The following TSHZ2 variants were observed in gnomAD, a reference collection of about 807,000 sequenced individuals.
The protein encoded by TSHZ2 is teashirt zinc finger homeobox 2, also known as teashirt homolog 2.
A neutral mutation model predicts 74.4 loss-of-function variants in TSHZ2; 21 were observed. That is an observed-to-expected ratio of 0.28 (90% CI 0.20 to 0.41). TSHZ2 has a LOEUF of 0.41. TSHZ2 is among the 10% of genes least tolerant of loss of function. The pLI, the probability that TSHZ2 is intolerant of heterozygous loss-of-function variation, is 1.00. For missense variants in TSHZ2, 1,244 were observed against 1,293.5 expected (o/e 0.96, Z 0.59); for synonymous variants, 540 against 515.3 (o/e 1.05, Z -0.65).
chr20:53,356,201 A>G (rs1447979349), intron 2 of TSHZ2, among the ~76,000 whole-genome samples: 2 of 152,216 alleles, frequency 1.3e-5, no homozygotes, highest in Non-Finnish European at 2.9e-5. Flanking sequence ...TTGACTTACT[A>G]TTCTATGAAT....
intron 1 of TSHZ2, among the ~76,000 whole-genome samples, chr20:53,045,222 G>A (rs1036004672): frequency 1.3e-5 from 2 of 152,188 alleles, no homozygotes; most frequent in South Asian, 2.1e-4. Context: ...GAAGGGAAGA[G>A]TACAGCGGGT....
At chr20:53,383,809 C>T (rs1030536496) in intron 2 of TSHZ2, among the ~76,000 whole-genome samples, 5 of 152,166 alleles carry the variant, frequency 3.3e-5, no homozygotes, top group South Asian at 2.1e-4. Context: ...AAAAAAAGCC[C>T]GGTTTCCATT....
intron 2 of TSHZ2, among the ~76,000 whole-genome samples, chr20:53,269,148 C>T (rs769894181): frequency 3.3e-5 from 5 of 151,772 alleles, no homozygotes; most frequent in South Asian, 2.1e-4. Flanking sequence ...GGGCTGTCAG[C>T]GTGGATCTGG....
At chr20:53,294,029 TAAATA>T (rs1012023793) in intron 2 of TSHZ2, among the ~76,000 whole-genome samples, 7 of 151,932 alleles carry the variant, frequency 4.6e-5, no homozygotes, top group East Asian at 1.9e-4. Context: ...AAAAAATAGA[TAAATA>T]AAATAAAATA....
chr20:53,251,888 A>G lies in TSHZ2; in HGVS notation c.41-1611A>G, dbSNP rs59322747. Among the ~76,000 whole-genome samples the G allele has an allele frequency of 7.9e-3, 1,196 of 152,300 alleles. 21 individuals carry two copies. Among genetic ancestry groups the G allele is most frequent in the African/African-American group, 0.028 (1,144 of 41,552 alleles). On this transcript the variant is annotated intron_variant, in intron 1 of 2. Coordinates refer to ENST00000371497, the MANE Select transcript of TSHZ2 (RefSeq NM_173485.6). Reference sequence around the variant, plus strand: ...GGTTCTTCTTCATTAGGTTGGCAATACAAAGATAGCAGCATCTCCTGTATT... The same window carrying G: ...GGTTCTTCTTCATTAGGTTGGCAATGCAAAGATAGCAGCATCTCCTGTATT...
chr20:53,463,355 C>T (rs931470079), intron 2 of TSHZ2, among the ~76,000 whole-genome samples: 6 of 132,484 alleles, frequency 4.5e-5, no homozygotes, highest in Non-Finnish European at 7.8e-5. Flanking sequence ...ATAGGGAGAC[C>T]CCTGTCTTGA....
intron 1 of TSHZ2, among the ~76,000 whole-genome samples, chr20:53,012,433 C>T (rs1315884464): frequency 6.6e-6 from 1 of 152,142 alleles, no homozygotes; most frequent in Non-Finnish European, 1.5e-5. Context: ...CAATCTCAGG[C>T]CTCTGCCAAC....
At chr20:53,339,715 C>T (rs531757225) in intron 2 of TSHZ2, among the ~76,000 whole-genome samples, 32 of 152,288 alleles carry the variant, frequency 2.1e-4, no homozygotes, top group African/African-American at 7.5e-4. Flanking sequence ...CTGAGATGCT[C>T]CTCTCAGCCA....
chr20:53,058,796 C>T (rs1173058863), intron 1 of TSHZ2, among the ~76,000 whole-genome samples: 1 of 152,232 alleles, frequency 6.6e-6, no homozygotes, highest in African/African-American at 2.4e-5. Flanking sequence ...TCTAGAAGCT[C>T]AGGACAGATG....
At chr20:53,195,341 A>C (rs1280920425) in intron 1 of TSHZ2, among the ~76,000 whole-genome samples, 1 of 151,966 alleles carries the variant, frequency 6.6e-6, no homozygotes, top group Non-Finnish European at 1.5e-5. Context: ...ATTTGGTTGA[A>C]AGCGATTTTG....
intron 1 of TSHZ2, among the ~76,000 whole-genome samples, chr20:53,058,762 G>A (rs1984726587): frequency 6.6e-6 from 1 of 152,236 alleles, no homozygotes; most frequent in African/African-American, 2.4e-5. Flanking sequence ...CTGTAAGAAA[G>A]CAGTTACTTT....
chr20:53,237,436 G>A (rs1989965125), intron 1 of TSHZ2, among the ~76,000 whole-genome samples: 2 of 151,950 alleles, frequency 1.3e-5, no homozygotes, highest in African/African-American at 4.8e-5. Context: ...TTCAAGCCCA[G>A]TTTATTTGTG....
intron 2 of TSHZ2, among the ~76,000 whole-genome samples, chr20:53,409,039 T>C (rs1479850665): frequency 6.6e-6 from 1 of 152,180 alleles, no homozygotes. Flanking sequence ...CACTGTTTGA[T>C]CATCTGTACA....
At chr20:53,288,653 A>G (rs1302271976) in intron 2 of TSHZ2, among the ~76,000 whole-genome samples, 1 of 152,184 alleles carries the variant, frequency 6.6e-6, no homozygotes, top group Non-Finnish European at 1.5e-5. Flanking sequence ...AGGACTGAAC[A>G]GAGACAATAT....
At chr20:53,181,371 T>C (rs1988463727) in intron 1 of TSHZ2, among the ~76,000 whole-genome samples, 1 of 152,218 alleles carries the variant, frequency 6.6e-6, no homozygotes, top group Non-Finnish European at 1.5e-5. Flanking sequence ...GCTGTGTACA[T>C]ATTTACTCCA....
intron 1 of TSHZ2, among the ~76,000 whole-genome samples, chr20:53,006,091 C>G (rs188960586): frequency 3.3e-5 from 5 of 152,242 alleles, no homozygotes; most frequent in Non-Finnish European, 7.3e-5. Context: ...CATTCACTTA[C>G]GAGCCTAAAG....
Position 53,246,965 on chromosome 20 carries a change from A to C in TSHZ2, c.41-6534A>C, listed in dbSNP as rs142085187. Among the ~76,000 whole-genome samples, 76 of 150,426 alleles carry C rather than the reference A, an allele frequency of 5.1e-4. No individual in the cohort carries two copies. In the East Asian group the frequency reaches 9.9e-3, roughly 20 times the overall value. On this transcript the variant is annotated intron_variant, in intron 1 of 2. Coordinates refer to ENST00000371497, the MANE Select transcript of TSHZ2 (RefSeq NM_173485.6). Reference sequence around the variant, plus strand: ...CTTCAGGAAATTGAAAAAAATAGAGAGAGATTGTTGTTTTGATGACCACCA... The same window carrying C: ...CTTCAGGAAATTGAAAAAAATAGAGCGAGATTGTTGTTTTGATGACCACCA...
At chr20:53,263,884 AG>A (rs1430067626) in intron 2 of TSHZ2, among the ~76,000 whole-genome samples, 2 of 152,098 alleles carry the variant, frequency 1.3e-5, no homozygotes, top group South Asian at 4.2e-4. Context: ...TACTCAGAGG[AG>A]GGGGGCAGGC....
chr20:53,212,747 G>A (rs1021447767), intron 1 of TSHZ2, among the ~76,000 whole-genome samples: 1 of 152,172 alleles, frequency 6.6e-6, no homozygotes, highest in Non-Finnish European at 1.5e-5. Context: ...CCGCATGGAG[G>A]TGTGGTCCCC....
Sources: allele counts gnomAD v4.1 joint callset (sites outside exome capture counted in the v4.1 genomes callset), GRCh38; gene constraint gnomAD v4.1.1; transcripts MANE v1.5; gene names NCBI Gene and HGNC (gene_info 2026-07-23, HGNC 2026-07-21).